PCDH15: variants seen among roughly 807,000 people sequenced by gnomAD.
The protein encoded by PCDH15 is protocadherin related 15, also known as protocadherin-15.
Under a neutral mutation model 178.5 loss-of-function variants are expected in PCDH15, and 129 were observed. That is an observed-to-expected ratio of 0.72 (90% CI 0.63 to 0.84). The LOEUF is 0.84. PCDH15 is among the 40% of genes least tolerant of loss of function. PCDH15 has a pLI of 0.00. For synonymous variants in PCDH15, 800 were observed against 732.0 expected (o/e 1.09, Z -1.50); for missense variants, 2,230 against 2,099.9 (o/e 1.06, Z -1.21).
At chr10:54,724,275 C>T (rs1413280405) in intron 1 of PCDH15, among the ~76,000 whole-genome samples, 2 of 151,352 alleles carry the variant, frequency 1.3e-5, no homozygotes, top group Admixed American at 1.3e-4. Context: ...CCTAAGTGAA[C>T]TCAGAAAATA....
At chr10:53,864,678 G>A (rs2079325785) in intron 27 of PCDH15, among the ~76,000 whole-genome samples, 1 of 152,120 alleles carries the variant, frequency 6.6e-6, no homozygotes, top group African/African-American at 2.4e-5. Context: ...CTTGTGGAGA[G>A]CTTTCTTGCT....
rs75440096 is a variant in PCDH15 at position 54,144,282 on chromosome 10, C to T, written c.1784+8818G>A. Among the ~76,000 whole-genome samples the T allele has an allele frequency of 5.3e-5, 8 of 151,942 alleles. No homozygotes were observed. In the East Asian group the frequency reaches 5.8e-4, roughly 11 times the overall value. On this transcript the variant is annotated intron_variant, in intron 14 of 37. Coordinates refer to ENST00000644397, the MANE Select transcript of PCDH15 (RefSeq NM_001384140.1). ...ATAAATAGAAAGGGGGGACTGAAACCGACCAAACAGTCCCATAGATCACTT... is the reference window on the plus strand; with the variant it reads ...ATAAATAGAAAGGGGGGACTGAAACTGACCAAACAGTCCCATAGATCACTT...
chr10:55,602,323 A>C (rs4551668), intron 2 of PCDH15, among the ~76,000 whole-genome samples: 141,628 of 151,322 alleles, frequency 0.94, 66,070 homozygotes, highest in East Asian at 1. Context: ...GGGCGCCCAC[A>C]ATTGCCCAGG....
At chr10:55,442,207 C>G (rs1218105819) in intron 2 of PCDH15, among the ~76,000 whole-genome samples, 1 of 151,602 alleles carries the variant, frequency 6.6e-6, no homozygotes, top group East Asian at 1.9e-4. Flanking sequence ...AATATAAATG[C>G]AAAAATCTGA....
At chr10:54,430,296 C>G (rs1173356519) in intron 3 of PCDH15, among the ~76,000 whole-genome samples, 1 of 152,002 alleles carries the variant, frequency 6.6e-6, no homozygotes, top group Non-Finnish European at 1.5e-5. Context: ...CTTAGGTGAT[C>G]CGCCAGCCTC....
At chr10:55,306,557 G>A (rs1843431560) in intron 1 of PCDH15, among the ~76,000 whole-genome samples, 1 of 152,164 alleles carries the variant, frequency 6.6e-6, no homozygotes, top group South Asian at 2.1e-4. Context: ...TCTCAGGACT[G>A]CAGAGTTCTG....
At chr10:54,471,641 T>C (rs958488120) in intron 3 of PCDH15, among the ~76,000 whole-genome samples, 1 of 151,628 alleles carries the variant, frequency 6.6e-6, no homozygotes, top group Non-Finnish European at 1.5e-5. Flanking sequence ...AAATTTTATT[T>C]ATATTTTTTG....
intron 2 of PCDH15, among the ~76,000 whole-genome samples, chr10:55,483,986 T>C (rs1840242833): frequency 6.6e-6 from 1 of 151,786 alleles, no homozygotes; most frequent in Non-Finnish European, 1.5e-5. Flanking sequence ...ATGAATGACA[T>C]CGTGTCCTTT....
At chr10:55,035,623 C>A (rs1840716825) in intron 2 of PCDH15, among the ~76,000 whole-genome samples, 1 of 152,086 alleles carries the variant, frequency 6.6e-6, no homozygotes. Context: ...TTTAATTTTG[C>A]ATTTTTAAAA....
chr10:54,577,555 A>AT (rs2090611929), intron 2 of PCDH15, among the ~76,000 whole-genome samples: 2 of 152,236 alleles, frequency 1.3e-5, no homozygotes, highest in East Asian at 1.9e-4. Context: ...ATAAGTCAAG[A>AT]TTAATTGATC....
intron 15 of PCDH15, among the ~76,000 whole-genome samples, chr10:54,100,653 T>G (rs1236168656): frequency 6.6e-6 from 1 of 152,158 alleles, no homozygotes; most frequent in African/African-American, 2.4e-5. Context: ...GAAAGAAGAA[T>G]GCACAATAGA....
At chr10:54,458,056 G>A (rs2076938363) in intron 3 of PCDH15, among the ~76,000 whole-genome samples, 1 of 152,136 alleles carries the variant, frequency 6.6e-6, no homozygotes, top group Non-Finnish European at 1.5e-5. Context: ...AATAGGGTGT[G>A]TATTTCTTAT....
At chr10:54,827,491 AT>A (rs1564544914) in intron 3 of PCDH15, among the ~76,000 whole-genome samples, 1 of 152,042 alleles carries the variant, frequency 6.6e-6, no homozygotes, top group East Asian at 1.9e-4. Context: ...AATTTTCAAT[AT>A]TGTACTTTTT....
upstream of PCDH15, among the ~76,000 whole-genome samples, chr10:55,323,020 G>C (rs1392833167): frequency 6.6e-6 from 1 of 152,126 alleles, no homozygotes; most frequent in African/African-American, 2.4e-5. Flanking sequence ...CTGTGTCCCA[G>C]CTGCTTCAGC....
chr10:54,615,946 C>G (rs1182848074), intron 2 of PCDH15, among the ~76,000 whole-genome samples: 1 of 151,948 alleles, frequency 6.6e-6, no homozygotes, highest in Non-Finnish European at 1.5e-5. Flanking sequence ...GGTACAGACA[C>G]TGGTGAACTA....
At chr10:54,905,551 A>T (rs1019424911) in intron 2 of PCDH15, among the ~76,000 whole-genome samples, 1 of 152,136 alleles carries the variant, frequency 6.6e-6, no homozygotes. Flanking sequence ...GCTTTGTAAT[A>T]GTTCAGATGA....
rs538726408 is a variant in PCDH15, at chr10:54,683,928, T to C, written c.-28-19638A>G. Among the ~76,000 whole-genome samples the C allele has an allele frequency of 3.3e-5, 5 of 152,116 alleles. No homozygotes were observed. The South Asian group carries it at 6.2e-4, about 19-fold the overall frequency. Reference sequence around the variant, plus strand: ...AATCATCTAGAAAGGGTGTTGATTATAGCATAGCACAAGACAGAAACTTTT... The same window carrying C: ...AATCATCTAGAAAGGGTGTTGATTACAGCATAGCACAAGACAGAAACTTTT... On this transcript the variant is annotated intron_variant, in intron 1 of 37. Transcript: ENST00000644397.
intron 2 of PCDH15, among the ~76,000 whole-genome samples, chr10:55,512,524 T>C (rs1840908937): frequency 6.6e-6 from 1 of 152,022 alleles, no homozygotes; most frequent in African/African-American, 2.4e-5. Context: ...CCTAGGTCAA[T>C]GACTAACAGG....
intron 21 of PCDH15, among the ~76,000 whole-genome samples, chr10:53,985,949 T>C (rs542914660): frequency 6.6e-6 from 1 of 152,338 alleles, no homozygotes; most frequent in South Asian, 2.1e-4. Flanking sequence ...CTGTTCCACA[T>C]AAATGACATC....
Sources: allele counts gnomAD v4.1 joint callset (sites outside exome capture counted in the v4.1 genomes callset), GRCh38; gene constraint gnomAD v4.1.1; transcripts MANE v1.5; gene names NCBI Gene and HGNC (gene_info 2026-07-23, HGNC 2026-07-21).